UTRN: variants seen among roughly 807,000 people sequenced by gnomAD.
UTRN encodes utrophin, also known as dystrophin-related protein 1.
UTRN carries 283 observed loss-of-function variants against 463.9 expected under a neutral mutation model. That is an observed-to-expected ratio of 0.61 (90% CI 0.55 to 0.67). UTRN has a LOEUF of 0.67. Ranked by LOEUF, UTRN falls within the 30% of genes least tolerant of loss-of-function variation. The pLI is 0.00. For synonymous variants in UTRN, 1,442 were observed against 1,431.5 expected, an observed-to-expected ratio of 1.01 and a Z score of -0.17; for missense variants, 3,922 against 4,084.3, an observed-to-expected ratio of 0.96 and a Z score of 1.08.
intron 2 of UTRN, among the ~76,000 whole-genome samples, chr6:144,315,091 G>T (rs568524961): frequency 3.9e-5 from 6 of 152,082 alleles, no homozygotes; most frequent in Non-Finnish European, 8.8e-5. Flanking sequence ...CACTTAGTGG[G>T]CTATAAGAGT....
intron 61 of UTRN, 84 bp from the exon 62 acceptor site, chr6:144,789,110 C>G: frequency 9.0e-7 from 1 of 1,116,844 alleles, no homozygotes; most frequent in South Asian, 1.5e-5. Flanking sequence ...GGTTTACCCC[C>G]AAGAAAATAG....
At chr6:144,572,559 C>T (rs912165443) in intron 50 of UTRN, among the ~76,000 whole-genome samples, 3 of 152,006 alleles carry the variant, frequency 2.0e-5, no homozygotes, top group Non-Finnish European at 4.4e-5. Flanking sequence ...CCCCCCACCC[C>T]CTGACAGGCC....
chr6:144,429,772 C>T, intron 9 of UTRN, 31 bp downstream of exon 9: 1 of 1,593,946 alleles, frequency 6.3e-7, no homozygotes, highest in Non-Finnish European at 8.5e-7. Flanking sequence ...AGATGTTTGG[C>T]TTGCCGTATT....
At position 144,441,869 on chromosome 6, in the gene UTRN, G is replaced by A. The variant is rs376129421; in HGVS notation, c.1512+1398G>A. On this transcript the variant is annotated intron_variant, in intron 13 of 74. Coordinates refer to ENST00000367545, the MANE Select transcript of UTRN (RefSeq NM_007124.3). ...CCCGCAGGCTCAACACCACATGGAA[G>A]CTGCCAAGGCTTGTGGCTTGCACCT... Among the ~76,000 whole-genome samples, 6 of 152,288 alleles carry A rather than the reference G, an allele frequency of 3.9e-5. 2 individuals are homozygous for A. The highest frequency in any genetic ancestry group is 1.4e-4 in the African/African-American group (6 of 41,562).
At chr6:144,384,561 TA>T (rs1394210084) in intron 2 of UTRN, among the ~76,000 whole-genome samples, 1 of 152,046 alleles carries the variant, frequency 6.6e-6, no homozygotes, top group Non-Finnish European at 1.5e-5. Context: ...ACCGCCACAT[TA>T]AACAACAACT....
intron 26 of UTRN, among the ~76,000 whole-genome samples, chr6:144,480,869 A>G (rs1791785394): frequency 6.6e-6 from 1 of 152,228 alleles, no homozygotes; most frequent in African/African-American, 2.4e-5. Context: ...ACATTCATAC[A>G]TTATTATACA....
chr6:144,353,350 G>C (rs1463613308), intron 2 of UTRN, among the ~76,000 whole-genome samples: 1 of 151,834 alleles, frequency 6.6e-6, no homozygotes, highest in Non-Finnish European at 1.5e-5. Flanking sequence ...TCCTGACCTT[G>C]TGGTCCACCT....
At chr6:144,320,296 A>G (rs1775559311) in intron 2 of UTRN, among the ~76,000 whole-genome samples, 1 of 152,144 alleles carries the variant, frequency 6.6e-6, no homozygotes, top group Non-Finnish European at 1.5e-5. Context: ...TGCTTTTGTT[A>G]TTATTATTAC....
At chr6:144,334,670 G>C (rs1287412568) in intron 2 of UTRN, among the ~76,000 whole-genome samples, 1 of 152,204 alleles carries the variant, frequency 6.6e-6, no homozygotes, top group East Asian at 1.9e-4. Context: ...GTATTGCATA[G>C]TATCATTTAC....
chr6:144,522,772 A>G (rs533342760), intron 40 of UTRN, among the ~76,000 whole-genome samples: 1 of 152,170 alleles, frequency 6.6e-6, no homozygotes, highest in Admixed American at 6.5e-5. Flanking sequence ...TGTGTTCTGT[A>G]CAAATGCTAC....
chr6:144,473,612 G>A, intron 23 of UTRN, 108 bp from the exon 24 acceptor site: 1 of 636,858 alleles, frequency 1.6e-6, no homozygotes, highest in Non-Finnish European at 2.7e-6. Context: ...TGAAAGCGAT[G>A]CTATCGGAGC....
At chr6:144,698,291 A>T (rs1282409061) in intron 52 of UTRN, among the ~76,000 whole-genome samples, 4 of 152,204 alleles carry the variant, frequency 2.6e-5, no homozygotes, top group Non-Finnish European at 4.4e-5. Context: ...TGTTAACCAC[A>T]GTTTTGTAAA....
chr6:144,470,620 G>T (rs999759211), intron 23 of UTRN, among the ~76,000 whole-genome samples: 1 of 152,066 alleles, frequency 6.6e-6, no homozygotes, highest in South Asian at 2.1e-4. Flanking sequence ...CTTCTTAGAC[G>T]GGGTGGCGGC....
At chr6:144,768,748 G>T (rs1020338714) in intron 58 of UTRN, among the ~76,000 whole-genome samples, 3 of 152,058 alleles carry the variant, frequency 2.0e-5, no homozygotes, top group Admixed American at 2.0e-4. Context: ...TCTTCAGTTT[G>T]CAGAGTTTAA....
Position 144,474,622 on chromosome 6 carries a change from G to C in UTRN, c.3199G>C (p.Glu1067Gln). ...TGTTTAGGCATTTGTTAATGAAATA[G>C]AAACAATTGAATCATCTCTGAAAAA... ...DQCSAFVNEI[E>Q]TIESSLKNMK... Residue 1067 changes from glutamate to glutamine, a missense_variant, in exon 25 of 75, where the codon GAA becomes CAA. Physicochemically the swap from Glu to Gln is conservative, Grantham distance 29. Coordinates refer to ENST00000367545, the MANE Select transcript of UTRN (RefSeq NM_007124.3). 1 of 1,612,882 alleles carries C rather than the reference G, an allele frequency of 6.2e-7. No homozygotes were observed. The highest frequency in any genetic ancestry group is 8.5e-7 in the Non-Finnish European group (1 of 1,179,590).
intron 66 of UTRN, among the ~76,000 whole-genome samples, chr6:144,823,109 G>A (rs180900148): frequency 9.5e-4 from 144 of 152,042 alleles, no homozygotes; most frequent in Non-Finnish European, 1.2e-3. Flanking sequence ...GTGATTTTGG[G>A]GTGTAATTCT....
rs10457768 is a variant in UTRN, at chr6:144,754,844, G to A, written c.8434+46G>A. ...CTGATCGCATTAATTGAATGAATTA[G>A]CATTTTCTTTCACTTTAATTGAAGA... On this transcript the variant is annotated intron_variant, in intron 57 of 74. Transcript: ENST00000367545. The A allele has an allele frequency of 4.5e-6, 7 of 1,566,498 alleles. No individual in the cohort carries two copies. The South Asian group carries it at 5.7e-5, about 13-fold the overall frequency.
intron 51 of UTRN, among the ~76,000 whole-genome samples, chr6:144,582,804 C>A (rs1802096367): frequency 6.6e-6 from 1 of 151,918 alleles, no homozygotes; most frequent in African/African-American, 2.4e-5. Context: ...TTTTGTTTTG[C>A]TTTATTTTTG....
rs777595692 is a variant in UTRN at position 144,781,968 on chromosome 6, C to G, written c.8679C>G (p.His2893Gln). The change falls in exon 61 of 75, where the codon CAC becomes CAG. Residue 2893 changes from histidine to glutamine, a missense_variant. Physicochemically the swap from His to Gln is conservative, Grantham distance 24 (BLOSUM62 0). This residue lies in a region of UTRN where 1,309 missense variants were observed against 1,452.6 expected (regional missense o/e 0.90). Coordinates refer to ENST00000367545, the MANE Select transcript of UTRN (RefSeq NM_007124.3). Reference protein sequence around the residue: ...LSTTNEIFKQHKLNQNDQLLS... With the variant: ...LSTTNEIFKQQKLNQNDQLLS... ...CAACAAATGAAATTTTCAAACAGCA[C>G]AAGTTGAACCAAAATGACCAGCTCC... 35 of 1,613,858 alleles carry G rather than the reference C, an allele frequency of 2.2e-5. No homozygotes were observed. The highest frequency in any genetic ancestry group is 2.9e-5 in the Non-Finnish European group (34 of 1,179,968).
Sources: allele counts gnomAD v4.1 joint callset (sites outside exome capture counted in the v4.1 genomes callset), GRCh38; gene constraint gnomAD v4.1.1; regional missense constraint gnomAD v4.1.1; transcripts MANE v1.5; gene names NCBI Gene and HGNC (gene_info 2026-07-23, HGNC 2026-07-21).